Variants in CABLES1 observed in about 807,000 individuals in gnomAD.
CABLES1 encodes the protein CDK5 and ABL1 enzyme substrate 1.
A neutral mutation model predicts 57.8 loss-of-function variants in CABLES1; 36 were observed. The observed-to-expected ratio is 0.62, with a 90% confidence interval of 0.48 to 0.82. CABLES1 has a LOEUF of 0.82. Ranked by LOEUF, CABLES1 falls within the 40% of genes least tolerant of loss-of-function variation. The pLI is 0.00. For synonymous variants in CABLES1, 374 were observed against 363.0 expected (o/e 1.03, Z -0.35); for missense variants, 767 against 836.6 (o/e 0.92, Z 1.03).
At chr18:23,140,438 CTT>C (rs11358415) in intron 1 of CABLES1, among the ~76,000 whole-genome samples, 4,939 of 138,252 alleles carry the variant, frequency 0.036, 78 homozygotes, top group Middle Eastern at 0.063. Context: ...CGTTTTCTTT[CTT>C]TTTTTTTTTT....
chr18:23,236,216 C>T (rs191356626), intron 6 of CABLES1, among the ~76,000 whole-genome samples, 165 bp downstream of exon 6: 17 of 152,266 alleles, frequency 1.1e-4, no homozygotes, highest in African/African-American at 3.6e-4. Flanking sequence ...GCAATGAAGC[C>T]GCAGGTGATT....
At chr18:23,193,460 G>C (rs2047260302) in intron 2 of CABLES1, among the ~76,000 whole-genome samples, 1 of 137,122 alleles carries the variant, frequency 7.3e-6, no homozygotes, top group Admixed American at 7.8e-5. Context: ...CCAAAGTGCT[G>C]TGATTACAGG....
chr18:23,214,159 G>T, intron 4 of CABLES1, 105 bp downstream of exon 4: 1 of 727,046 alleles, frequency 1.4e-6, no homozygotes, highest in South Asian at 1.8e-5. Context: ...GCCTTGCTTT[G>T]ATACTGCAAA....
intron 4 of CABLES1, chr18:23,214,487 C>G (rs2047427545): frequency 6.5e-6 from 1 of 154,538 alleles, no homozygotes. Flanking sequence ...CACAGAGAAA[C>G]ATCAAAGCAA....
At chr18:23,188,488 A>G (rs573413027) in intron 1 of CABLES1, among the ~76,000 whole-genome samples, 1 of 152,208 alleles carries the variant, frequency 6.6e-6, no homozygotes, top group South Asian at 2.1e-4. Flanking sequence ...AATGCCTTAG[A>G]AAAGCTGCAC....
chr18:23,184,365 C>G (rs908939144), intron 1 of CABLES1, among the ~76,000 whole-genome samples: 1 of 150,770 alleles, frequency 6.6e-6, no homozygotes, highest in South Asian at 2.1e-4. Flanking sequence ...GTTCAGACTT[C>G]TATAATGAAG....
chr18:23,164,858 G>C (rs2047030561), intron 1 of CABLES1, among the ~76,000 whole-genome samples: 1 of 152,064 alleles, frequency 6.6e-6, no homozygotes, highest in East Asian at 1.9e-4. Context: ...TGCAACCTCT[G>C]CCTCCTGGGT....
intron 1 of CABLES1, among the ~76,000 whole-genome samples, chr18:23,139,906 C>G (rs2046846936): frequency 1.3e-5 from 2 of 152,136 alleles, no homozygotes; most frequent in African/African-American, 4.8e-5. Context: ...TACAACTGTC[C>G]CGTCGTACTG....
intron 2 of CABLES1, among the ~76,000 whole-genome samples, chr18:23,193,722 A>G (rs2047262289): frequency 6.6e-6 from 1 of 152,234 alleles, no homozygotes; most frequent in South Asian, 2.1e-4. Context: ...TGAAAACACT[A>G]CACACAAATA....
intron 3 of CABLES1, among the ~76,000 whole-genome samples, chr18:23,212,502 A>C (rs2047412162): frequency 6.6e-6 from 1 of 152,186 alleles, no homozygotes; most frequent in Non-Finnish European, 1.5e-5. Flanking sequence ...AATTGACACC[A>C]AAAGTGCCAA....
intron 1 of CABLES1, among the ~76,000 whole-genome samples, chr18:23,171,200 G>A (rs1337376186): frequency 2.0e-5 from 3 of 152,232 alleles, no homozygotes; most frequent in Non-Finnish European, 1.5e-5. Flanking sequence ...CCTATCCTGG[G>A]TGGGAGTCCT....
At chr18:23,186,585 C>T (rs2047204631) in intron 1 of CABLES1, among the ~76,000 whole-genome samples, 2 of 152,098 alleles carry the variant, frequency 1.3e-5, no homozygotes, top group Admixed American at 1.3e-4. Context: ...ACCACCACAC[C>T]TGGCTAATTT....
At chr18:23,163,334 G>A (rs1443678667) in intron 1 of CABLES1, among the ~76,000 whole-genome samples, 5 of 152,252 alleles carry the variant, frequency 3.3e-5, no homozygotes, top group African/African-American at 1.2e-4. Flanking sequence ...TGGAAAAACA[G>A]GTTTAGGCAT....
intron 4 of CABLES1, among the ~76,000 whole-genome samples, chr18:23,220,361 C>T (rs1009645746): frequency 2.6e-5 from 4 of 152,146 alleles, no homozygotes; most frequent in African/African-American, 7.2e-5. Context: ...GTTTCATCTG[C>T]CCAACAGCCT....
chr18:23,185,568 C>T (rs2047196903), intron 1 of CABLES1, among the ~76,000 whole-genome samples: 1 of 152,158 alleles, frequency 6.6e-6, no homozygotes, highest in African/African-American at 2.4e-5. Context: ...TGGGCAGCAT[C>T]TGTGCTGCCC....
At chr18:23,247,077 A>G (rs2047914184) in intron 7 of CABLES1, among the ~76,000 whole-genome samples, 1 of 152,244 alleles carries the variant, frequency 6.6e-6, no homozygotes, top group African/African-American at 2.4e-5. Context: ...ACCAGAAAGA[A>G]TGAGTGGCTG....
chr18:23,185,086 G>A (rs1216111465), intron 1 of CABLES1, among the ~76,000 whole-genome samples: 1 of 152,198 alleles, frequency 6.6e-6, no homozygotes. Context: ...AATATGCTGG[G>A]TTTTAGAAAA....
intron 4 of CABLES1, among the ~76,000 whole-genome samples, chr18:23,215,788 C>T (rs189541313): frequency 6.6e-6 from 1 of 150,714 alleles, no homozygotes; most frequent in East Asian, 2.0e-4. Context: ...GAGTCTTGCT[C>T]TGTCACTCAG....
chr18:23,221,394 G>T (rs1172403264), intron 4 of CABLES1, among the ~76,000 whole-genome samples: 1 of 152,240 alleles, frequency 6.6e-6, no homozygotes, highest in African/African-American at 2.4e-5. Flanking sequence ...ACCCCTAGTG[G>T]CTCTGAGAGA....
Sources: gnomAD v4.1 joint callset for allele counts (sites outside exome capture counted in the v4.1 genomes callset) on GRCh38, gnomAD v4.1.1 for gene constraint, MANE v1.5 for transcripts, NCBI Gene and HGNC (gene_info 2026-07-23, HGNC 2026-07-21) for gene names.